MAPK4: variants seen among roughly 807,000 people sequenced by gnomAD.
MAPK4 encodes mitogen-activated protein kinase 4, also known as Erk3-related.
In MAPK4, 22 loss-of-function variants were observed where a neutral mutation model predicts 47.7. The ratio of observed to expected loss-of-function variants is 0.46; its 90% CI spans 0.33 to 0.66. MAPK4 has a LOEUF of 0.66. MAPK4 is among the 30% of genes least tolerant of loss of function. The pLI, the probability that MAPK4 is intolerant of heterozygous loss-of-function variation, is 0.02. For synonymous variants in MAPK4, 390 were observed against 365.7 expected, an observed-to-expected ratio of 1.07 and a Z score of -0.76; for missense variants, 736 against 831.7, an observed-to-expected ratio of 0.88 and a Z score of 1.42.
intron 1 of MAPK4, among the ~76,000 whole-genome samples, chr18:50,579,040 G>A (rs536148761): frequency 1.6e-4 from 24 of 152,324 alleles, no homozygotes; most frequent in African/African-American, 4.6e-4. Context: ...TGGATGAGGA[G>A]GGGCAGCTTA....
At chr18:50,658,954 G>A (rs1473079047) in intron 1 of MAPK4, among the ~76,000 whole-genome samples, 1 of 152,182 alleles carries the variant, frequency 6.6e-6, no homozygotes, top group Non-Finnish European at 1.5e-5. Flanking sequence ...AGAGGTCCAC[G>A]AACTACAGCC....
intron 2 of MAPK4, among the ~76,000 whole-genome samples, chr18:50,671,749 G>A (rs1448171225): frequency 1.3e-5 from 2 of 151,978 alleles, no homozygotes; most frequent in East Asian, 3.9e-4. Context: ...AATTAGCCAG[G>A]TATAGTGGTG....
chr18:50,664,296 C>T lies in MAPK4; in HGVS notation c.338C>T (p.Ala113Val). Residue 113 changes from alanine (A) to valine (V), a missense_variant, in exon 2 of 6, where the codon GCA (alanine) becomes GTA (valine). Transcript: ENST00000400384. The surrounding 1 kb of genome is among the most constrained non-coding windows in gnomAD (Gnocchi z 6.0). ...IVQEYMETDL[A>V]RLLEQGTLAE... is the part of the protein sequence containing the mutation. ...CAGGAGTACATGGAGACCGACCTGG[C>T]ACGCCTGCTGGAGCAGGGCACGCTG... 1 of 1,613,436 alleles carries T rather than the reference C, an allele frequency of 6.2e-7. No homozygotes were observed. Among genetic ancestry groups the T allele is most frequent in the South Asian group, 1.1e-5 (1 of 91,070 alleles).
rs753083355 is a variant in MAPK4, at chr18:50,678,562, C to A, written c.546+14058C>A. 6.6e-6 allele frequency among the ~76,000 whole-genome samples: 1 copy of A among 152,190 alleles called. No homozygotes were observed. Among genetic ancestry groups the A allele is most frequent in the Non-Finnish European group, 1.5e-5 (1 of 68,038 alleles). ...CACTCAAGGGTCCACCAGCGACTTCCCTGTTCAGGCACTCAGAGCAGCAAC... is the reference window on the plus strand; with the variant it reads ...CACTCAAGGGTCCACCAGCGACTTCACTGTTCAGGCACTCAGAGCAGCAAC... On this transcript the variant is annotated intron_variant, in intron 2 of 5. Coordinates refer to ENST00000400384, the MANE Select transcript of MAPK4 (RefSeq NM_002747.4). The surrounding 1 kb of genome is among the most constrained non-coding windows in gnomAD (Gnocchi z 4.2).
At chr18:50,646,894 A>G (rs573311997) in intron 1 of MAPK4, among the ~76,000 whole-genome samples, 1 of 152,168 alleles carries the variant, frequency 6.6e-6, no homozygotes, top group Non-Finnish European at 1.5e-5. Context: ...TCACTTCTTC[A>G]GGGAGCCTGC....
At chr18:50,629,920 T>C (rs2042813791) in intron 1 of MAPK4, 1 of 152,252 alleles carries the variant, frequency 6.6e-6, no homozygotes, top group African/African-American at 2.4e-5. Context: ...TTCGTAATAA[T>C]GATGCCCATC....
chr18:50,560,347 A>C (rs2149353144), intron 1 of MAPK4, 104 bp downstream of exon 1: 1 of 152,042 alleles, frequency 6.6e-6, no homozygotes, highest in South Asian at 2.1e-4. Context: ...CCCCGCCCGC[A>C]CTGCCTCCCC....
At chr18:50,680,510 A>G (rs1908531441) in intron 2 of MAPK4, among the ~76,000 whole-genome samples, 2 of 152,158 alleles carry the variant, frequency 1.3e-5, no homozygotes, top group Non-Finnish European at 2.9e-5. Context: ...CATCAGCAGA[A>G]TCAGTTTTAG....
rs373492322 is a variant in MAPK4, at chr18:50,625,535, C to A, written c.-870-37554C>A. ...CATGCAAGGGCTGTGACACAGATGG[C>A]AGAGGAGGCCAAGGAGTAGAAGACA... On this transcript the variant is annotated intron_variant, in intron 1 of 5. Coordinates refer to ENST00000400384, the MANE Select transcript of MAPK4 (RefSeq NM_002747.4). 5.3e-5 allele frequency among the ~76,000 whole-genome samples: 8 copies of A among 152,256 alleles called. No individual in the cohort carries two copies. The East Asian group carries it at 1.4e-3, about 26-fold the overall frequency.
intron 1 of MAPK4, among the ~76,000 whole-genome samples, chr18:50,619,164 G>A (rs557572006): frequency 1.3e-5 from 2 of 152,284 alleles, no homozygotes; most frequent in South Asian, 2.1e-4. Context: ...CAGGCTAAAG[G>A]TATAGGAAGT....
In MAPK4 at chr18:50,574,211, C is replaced by G. The variant is rs562832687; in HGVS notation, c.-871+13968C>G. Reference sequence around the variant, plus strand: ...TTAATTTCAGCAATATAGGCTGTCTCTCTTTTTGTAGCCTTACTGTGTCTA... The same window carrying G: ...TTAATTTCAGCAATATAGGCTGTCTGTCTTTTTGTAGCCTTACTGTGTCTA... On this transcript the variant is annotated intron_variant, in intron 1 of 5. Transcript: ENST00000400384. Among the ~76,000 whole-genome samples, 18 of 152,274 alleles carry G rather than the reference C, an allele frequency of 1.2e-4. No homozygotes were observed. In the East Asian group the frequency reaches 2.9e-3, roughly 24 times the overall value.
At chr18:50,652,018 T>G (rs2043055367) in intron 1 of MAPK4, among the ~76,000 whole-genome samples, 1 of 152,218 alleles carries the variant, frequency 6.6e-6, no homozygotes, top group Non-Finnish European at 1.5e-5. Flanking sequence ...TGGGTTGTGG[T>G]CATGACTGTA....
chr18:50,602,590 C>T (rs2042550066), intron 1 of MAPK4, among the ~76,000 whole-genome samples: 1 of 152,162 alleles, frequency 6.6e-6, no homozygotes, highest in African/African-American at 2.4e-5. Flanking sequence ...TTTGAAATAT[C>T]CTAATCAGGA....
intron 2 of MAPK4, chr18:50,704,481 C>A (rs1000598617): frequency 7.0e-5 from 27 of 384,448 alleles, no homozygotes; most frequent in African/African-American, 5.5e-4. Context: ...ACCCTGTCTC[C>A]AAAAAAAAAG....
At chr18:50,726,713 C>T (rs1911220517) in intron 5 of MAPK4, among the ~76,000 whole-genome samples, 1 of 151,942 alleles carries the variant, frequency 6.6e-6, no homozygotes, top group Admixed American at 6.6e-5. Flanking sequence ...GCCTGGGAAA[C>T]AAAGCAAGAC....
Position 50,729,629 on chromosome 18 carries a change from C to G in MAPK4, c.1539C>G (p.Asp513Glu). The G allele has an allele frequency of 7.0e-7, 1 of 1,432,880 alleles. No individual in the cohort carries two copies. The highest frequency in any genetic ancestry group is 9.1e-7 in the Non-Finnish European group (1 of 1,093,828). The allele number at this position is 1,432,880 out of a possible 1,614,324, so 88.8% of individuals were successfully genotyped here. A position where few individuals can be genotyped will look rare whatever the true frequency, so the allele number is the denominator to read the frequency against. The change falls in exon 6 of 6, where the codon GAC (aspartate) becomes GAG (glutamate). Residue 513 changes from aspartate (D) to glutamate (E), a missense_variant. Physicochemically the swap from Asp to Glu is conservative, Grantham distance 45. Around this residue, in one of 3 missense-constraint regions of MAPK4, gnomAD observed 377 missense variants for 378.6 expected, o/e 1.00. Transcript: ENST00000400384. ...GPEHASPPAD[D>E]PERRLSASPP... ...AGCACGCCAGCCCGCCCGCCGACGACCCCGAGCGCCGCTTGTCTGCCTCGC... is the reference window on the plus strand; with the variant it reads ...AGCACGCCAGCCCGCCCGCCGACGAGCCCGAGCGCCGCTTGTCTGCCTCGC...
intron 1 of MAPK4, among the ~76,000 whole-genome samples, chr18:50,568,693 AT>A (rs1207574795): frequency 6.6e-6 from 1 of 151,982 alleles, no homozygotes; most frequent in Non-Finnish European, 1.5e-5. Context: ...ACTATCTTAA[AT>A]TTCCTCACTC....
intron 2 of MAPK4, among the ~76,000 whole-genome samples, chr18:50,683,882 GA>G (rs1043184935): frequency 6.6e-6 from 1 of 152,250 alleles, no homozygotes. Flanking sequence ...ACAGTGGTTA[GA>G]TTGTCTCGCT....
At chr18:50,636,281 A>C (rs1007651231) in intron 1 of MAPK4, among the ~76,000 whole-genome samples, 1 of 152,202 alleles carries the variant, frequency 6.6e-6, no homozygotes, top group East Asian at 1.9e-4. Flanking sequence ...CTGCAGCTCA[A>C]CTTCCATTTC....
Sources: gnomAD v4.1 joint callset for allele counts (sites outside exome capture counted in the v4.1 genomes callset) on GRCh38, gnomAD v4.1.1 for gene constraint, gnomAD v4.1.1 regional missense constraint, Gnocchi (gnomAD v3.1) non-coding constraint, MANE v1.5 for transcripts, NCBI Gene and HGNC (gene_info 2026-07-23, HGNC 2026-07-21) for gene names.